C17orf78: variants seen among roughly 807,000 people sequenced by gnomAD.
C17orf78 encodes chromosome 17 open reading frame 78.
C17orf78 carries 27 observed loss-of-function variants against 31.8 expected under a neutral mutation model. The ratio of observed to expected loss-of-function variants is 0.85; its 90% CI spans 0.63 to 1.17. C17orf78 has a LOEUF of 1.17. Among genes scored for constraint, C17orf78 ranks in the 50% most tolerant of loss-of-function variants. C17orf78 has a pLI of 0.00. For synonymous variants in C17orf78, 106 were observed against 115.1 expected (o/e 0.92, Z 0.51); for missense variants, 258 against 315.2 (o/e 0.82, Z 1.37).
intron 6 of C17orf78, among the ~76,000 whole-genome samples, chr17:37,389,588 G>A (rs1003782767): frequency 4.6e-5 from 7 of 152,034 alleles, no homozygotes; most frequent in Non-Finnish European, 8.8e-5. Context: ...TCGGAAGGCT[G>A]AGGCAGGAGA....
chr17:37,381,822 T>G (rs1314637159), intron 3 of C17orf78, among the ~76,000 whole-genome samples: 1 of 151,570 alleles, frequency 6.6e-6, no homozygotes, highest in Non-Finnish European at 1.5e-5. Flanking sequence ...AGAGATGGGG[T>G]TTCACCGTGT....
Position 37,389,313 on chromosome 17 carries a change from G to C in C17orf78, c.701G>C (p.Gly234Ala), listed in dbSNP as rs1256618131. 6 of 1,597,892 alleles carry C rather than the reference G, an allele frequency of 3.8e-6. No individual in the cohort carries two copies. In the Admixed American group the frequency reaches 1.0e-4, roughly 28 times the overall value. ...TTGTGGAGATGGCAAAAGAAGGGAG[G>C]CCAGCCACCTGGGACAGCTGAATCC... ...QWLWRWQKKGGQPPGTAESKP... is the reference protein window; with the variant it reads ...QWLWRWQKKGAQPPGTAESKP... Residue 234 changes from glycine to alanine, a missense_variant, in exon 6 of 7, where the codon GGC becomes GCC. By Grantham distance (60) the Gly-to-Ala change is moderately conservative. Coordinates refer to ENST00000615133, the MANE Select transcript of C17orf78 (RefSeq NM_173625.5).
chr17:37,380,173 G>A (rs187020486), intron 3 of C17orf78, among the ~76,000 whole-genome samples: 1,547 of 150,480 alleles, frequency 0.01, 31 homozygotes, highest in African/African-American at 0.034. Flanking sequence ...ACTATCACAA[G>A]AACAAAAAAC....
At chr17:37,377,711 A>C (rs1172137443) in intron 1 of C17orf78, among the ~76,000 whole-genome samples, 168 bp from the exon 2 acceptor site, 1 of 151,254 alleles carries the variant, frequency 6.6e-6, no homozygotes, top group Non-Finnish European at 1.5e-5. Flanking sequence ...ATAAAAGTAA[A>C]GTCTTTTTAG....
chr17:37,379,681 T>C (rs1463227868), intron 3 of C17orf78, among the ~76,000 whole-genome samples: 1 of 151,830 alleles, frequency 6.6e-6, no homozygotes, highest in Non-Finnish European at 1.5e-5. Context: ...AAAATGCTCA[T>C]GATCACTGGC....
intron 3 of C17orf78, among the ~76,000 whole-genome samples, chr17:37,383,884 CAT>C (rs2050412893): frequency 6.6e-6 from 1 of 152,148 alleles, no homozygotes; most frequent in African/African-American, 2.4e-5. Flanking sequence ...ACTTTTGAAA[CAT>C]AATCCCTTCT....
In C17orf78 at chr17:37,390,731, T is replaced by G. The variant is rs1274515627; in HGVS notation, c.751-916T>G. Among the ~76,000 whole-genome samples the G allele has an allele frequency of 6.7e-5, 10 of 149,350 alleles. 1 individual carries two copies. Among genetic ancestry groups the G allele is most frequent in the Admixed American group, 4.7e-4 (7 of 14,888 alleles). ...TCACTTGGGCTCAGGAATTGAAGTC[T>G]GCAATGAGCTATGATCGAGCCACTG... On this transcript the variant is annotated intron_variant, in intron 6 of 6. Transcript: ENST00000615133.
chr17:37,379,046 TG>T lies in C17orf78; in HGVS notation c.146-88del. ...ATGATTGCGACACTGCACTCCAGCT[TG>T]GGTGACAGAGCAAGGCACCGTCTCA... On this transcript the variant is annotated intron_variant, in intron 2 of 6. Coordinates refer to ENST00000615133, the MANE Select transcript of C17orf78 (RefSeq NM_173625.5). The T allele has an allele frequency of 2.1e-6, 3 of 1,423,132 alleles. No homozygotes were observed. The South Asian group carries it at 4.3e-5, about 21-fold the overall frequency. 88.2% of individuals were successfully genotyped at this position (1,423,132 alleles called of 1,614,324 possible).
intron 6 of C17orf78, among the ~76,000 whole-genome samples, chr17:37,389,686 C>CA (rs565123725): frequency 4.0e-3 from 549 of 138,044 alleles, no homozygotes; most frequent in Non-Finnish European, 6.3e-3. Flanking sequence ...GACTCTGTCT[C>CA]AAAAAAAAAA....
intron 6 of C17orf78, among the ~76,000 whole-genome samples, chr17:37,390,312 A>ATC: frequency 2.3e-5 from 1 of 42,882 alleles, no homozygotes; most frequent in African/African-American, 1.5e-4. Context: ...AATTATATAT[A>ATC]TATATATATA....
intron 3 of C17orf78, among the ~76,000 whole-genome samples, chr17:37,382,375 T>G (rs2050335073): frequency 6.6e-6 from 1 of 151,946 alleles, no homozygotes; most frequent in South Asian, 2.1e-4. Flanking sequence ...TTTTCTTTAG[T>G]GTAGCCGGTT....
chr17:37,385,953 C>G, intron 3 of C17orf78, 56 bp from the exon 4 acceptor site: 1 of 1,228,158 alleles, frequency 8.1e-7, no homozygotes, highest in Non-Finnish European at 1.2e-6. Flanking sequence ...CAGATAAAAC[C>G]AAAGGCAGGA....
intron 3 of C17orf78, among the ~76,000 whole-genome samples, chr17:37,384,562 T>TAA (rs539817178): frequency 2.2e-4 from 32 of 148,618 alleles, no homozygotes; most frequent in South Asian, 4.3e-4. Flanking sequence ...TCTTACAGAT[T>TAA]AAAAAAAAAA....
intron 4 of C17orf78, chr17:37,387,898 C>T (rs923815431): frequency 1.2e-4 from 18 of 152,056 alleles, no homozygotes; most frequent in Non-Finnish European, 8.8e-5. Context: ...TGAGTTGGCT[C>T]ACACCTGTAA....
Position 37,379,244 on chromosome 17 carries a change from G to T in C17orf78, c.253G>T (p.Glu85Ter), listed in dbSNP as rs2050139322. The T allele has an allele frequency of 1.2e-6, 2 of 1,614,000 alleles. No homozygotes were observed. Among genetic ancestry groups the T allele is most frequent in the Non-Finnish European group, 1.7e-6 (2 of 1,179,906 alleles). ...AGTAAAAGTCAACCTTGTATATTTG[G>T]AGAGAAGGCCAAAGGTCAAGCATAT... ...SKVKVNLVYLERRPKVKHILK... is the reference protein window; with the variant it reads ...SKVKVNLVYL Residue 85 changes from glutamate to a stop codon, truncating the protein, a stop_gained, in exon 3 of 7, where the codon GAG (glutamate) becomes TAG (stop). Coordinates refer to ENST00000615133, the MANE Select transcript of C17orf78 (RefSeq NM_173625.5). LOFTEE classifies it high-confidence loss of function.
chr17:37,380,663 T>C (rs958704467), intron 3 of C17orf78, among the ~76,000 whole-genome samples: 7 of 152,102 alleles, frequency 4.6e-5, no homozygotes, highest in African/African-American at 1.7e-4. Context: ...AGTGGTGCGA[T>C]CTTGGCCCAC....
intron 6 of C17orf78, among the ~76,000 whole-genome samples, chr17:37,390,260 TAA>T (rs1491337448): frequency 2.9e-5 from 2 of 68,352 alleles, no homozygotes; most frequent in African/African-American, 6.8e-5. Context: ...ATATTATATA[TAA>T]TTATATATAA....
intron 1 of C17orf78, 139 bp downstream of exon 1, chr17:37,376,289 C>T (rs545733175): frequency 8.9e-6 from 6 of 675,340 alleles, no homozygotes; most frequent in Middle Eastern, 2.5e-4. Context: ...TGTATCCACT[C>T]GCCTCTAAGA....
chr17:37,386,327 C>T (rs2050528261), intron 4 of C17orf78, among the ~76,000 whole-genome samples: 1 of 152,052 alleles, frequency 6.6e-6, no homozygotes, highest in Non-Finnish European at 1.5e-5. Flanking sequence ...TGCTGTGGCT[C>T]ATGTCTGTAA....
Sources: allele counts gnomAD v4.1 joint callset (sites outside exome capture counted in the v4.1 genomes callset), GRCh38; gene constraint gnomAD v4.1.1; transcripts MANE v1.5; gene names NCBI Gene and HGNC (gene_info 2026-07-23, HGNC 2026-07-21).